Variants in FSTL4 observed in about 807,000 individuals in gnomAD.
FSTL4 encodes follistatin like 4, also known as follistatin-related protein 4.
Under a neutral mutation model 78.2 loss-of-function variants are expected in FSTL4, and 28 were observed. The observed-to-expected ratio is 0.36, with a 90% CI of 0.27 to 0.49. FSTL4 has a LOEUF of 0.49. FSTL4 is among the 20% of genes least tolerant of loss of function. The pLI is 0.98. For synonymous variants in FSTL4, 422 were observed against 440.5 expected (o/e 0.96, Z 0.53); for missense variants, 922 against 1,084.9 (o/e 0.85, Z 2.11).
At chr5:133,736,627 G>A in the FSTL4 span, among the ~76,000 whole-genome samples, 2 of 152,142 alleles carry the variant, frequency 1.3e-5, no homozygotes, top group South Asian at 2.1e-4. Context: ...GAGACACCAC[G>A]GGTCTGTGAA....
intron 8 of FSTL4, among the ~76,000 whole-genome samples, chr5:133,227,021 A>G (rs1485571555): frequency 2.6e-5 from 4 of 152,138 alleles, no homozygotes; most frequent in Non-Finnish European, 5.9e-5. Context: ...AATTCCATCA[A>G]CTCAGTCTGA....
intron 3 of FSTL4, among the ~76,000 whole-genome samples, chr5:133,433,145 G>A (rs918880778): frequency 6.6e-6 from 1 of 152,222 alleles, no homozygotes; most frequent in East Asian, 1.9e-4. Context: ...TGAACTAAAA[G>A]CCAGAGCTGA....
At chr5:133,336,945 T>C (rs1024293949) in intron 4 of FSTL4, among the ~76,000 whole-genome samples, 2 of 152,154 alleles carry the variant, frequency 1.3e-5, no homozygotes, top group African/African-American at 4.8e-5. Context: ...TCCATGGGGA[T>C]GGAGGGCTCG....
chr5:133,577,884 G>A (rs1029588321), intron 2 of FSTL4, among the ~76,000 whole-genome samples: 13 of 152,302 alleles, frequency 8.5e-5, no homozygotes, highest in East Asian at 3.9e-4. Context: ...GGGTGATAGC[G>A]TAAGACTCTG....
At chr5:133,413,794 C>A (rs1756525556) in intron 3 of FSTL4, among the ~76,000 whole-genome samples, 1 of 152,070 alleles carries the variant, frequency 6.6e-6, no homozygotes, top group South Asian at 2.1e-4. Context: ...TAAATTAACT[C>A]TTCAGCTATT....
chr5:133,263,860 C>T (rs58073133), intron 6 of FSTL4, among the ~76,000 whole-genome samples: 312 of 152,134 alleles, frequency 2.1e-3, no homozygotes, highest in African/African-American at 7.2e-3. Flanking sequence ...GGCAGGGGCA[C>T]GGAGCCTGAG....
intron 6 of FSTL4, among the ~76,000 whole-genome samples, chr5:133,286,493 C>T (rs1753132189): frequency 6.6e-6 from 1 of 152,110 alleles, no homozygotes; most frequent in African/African-American, 2.4e-5. Flanking sequence ...ACAAGTTAAT[C>T]GCCTCTTCAA....
chr5:133,209,307 G>T (rs7722335), intron 14 of FSTL4, among the ~76,000 whole-genome samples: 6 of 151,934 alleles, frequency 3.9e-5, no homozygotes, highest in African/African-American at 1.5e-4. Flanking sequence ...TCCAGACCCT[G>T]GTCTTTCTGC....
chr5:133,296,325 A>C (rs370820038), intron 6 of FSTL4, among the ~76,000 whole-genome samples: 1 of 152,314 alleles, frequency 6.6e-6, no homozygotes, highest in South Asian at 2.1e-4. Flanking sequence ...ACTTGTCTAC[A>C]TGCTCCTACT....
chr5:133,225,967 C>T lies in FSTL4; in HGVS notation c.1016-148G>A. 1.9e-6 allele frequency: 1 copy of T among 517,212 alleles called. No individual in the cohort carries two copies. The highest frequency in any genetic ancestry group is 3.4e-6 in the Non-Finnish European group (1 of 298,214). The allele number at this position is 517,212 out of a possible 1,614,324, so 32.0% of individuals were successfully genotyped here. On this transcript the variant is annotated intron_variant, in intron 8 of 15. Coordinates refer to ENST00000265342, the MANE Select transcript of FSTL4 (RefSeq NM_015082.2). The surrounding 1 kb of genome is among the most constrained non-coding windows in gnomAD (Gnocchi z 4.6). ...TTAACCAAATTATAATAATCCTGTC[C>T]AGCAACGCAAGCTCTAAAAGAAAGG...
At chr5:133,228,186 C>T (rs183682300) in intron 8 of FSTL4, among the ~76,000 whole-genome samples, 2 of 152,078 alleles carry the variant, frequency 1.3e-5, no homozygotes, top group African/African-American at 2.4e-5. Flanking sequence ...ATGATTGTGC[C>T]GCTGCACTCC....
At chr5:133,691,916 T>TA in the FSTL4 span, among the ~76,000 whole-genome samples, 7 of 152,176 alleles carry the variant, frequency 4.6e-5, no homozygotes, top group Non-Finnish European at 8.8e-5. Context: ...ACTGAACACC[T>TA]ACCATGTGCA....
intron 3 of FSTL4, among the ~76,000 whole-genome samples, chr5:133,566,894 C>G (rs1313498453): frequency 6.6e-6 from 1 of 152,188 alleles, no homozygotes; most frequent in African/African-American, 2.4e-5. Context: ...CCAAACTTCA[C>G]TCAAGAATGA....
At chr5:133,316,745 A>G (rs1753915055) in intron 4 of FSTL4, 93 bp from the exon 5 acceptor site, 4 of 1,052,596 alleles carry the variant, frequency 3.8e-6, no homozygotes, top group Non-Finnish European at 5.6e-6. Context: ...ACTCACAAAT[A>G]GCCACCAGGC....
intron 3 of FSTL4, among the ~76,000 whole-genome samples, chr5:133,516,706 G>T (rs1449360513): frequency 2.0e-5 from 3 of 152,174 alleles, no homozygotes; most frequent in Non-Finnish European, 4.4e-5. Context: ...GGCAGTCTGA[G>T]GTGTTGACTT....
chr5:133,711,320 C>T, the FSTL4 span, among the ~76,000 whole-genome samples: 1 of 152,138 alleles, frequency 6.6e-6, no homozygotes, highest in Admixed American at 6.5e-5. Flanking sequence ...AAACCCAGCC[C>T]CCATCTAAAA....
At chr5:133,724,785 T>A in the FSTL4 span, among the ~76,000 whole-genome samples, 3,659 of 152,324 alleles carry the variant, frequency 0.024, 163 homozygotes, top group African/African-American at 0.082. Context: ...CCTAAGAATC[T>A]CTGCCTATCC....
the FSTL4 span, among the ~76,000 whole-genome samples, chr5:133,694,154 G>C: frequency 6.6e-6 from 1 of 152,208 alleles, no homozygotes; most frequent in Non-Finnish European, 1.5e-5. Context: ...GCAAAGCCAT[G>C]AAAAGCATCA....
chr5:133,686,699 T>TA, the FSTL4 span, among the ~76,000 whole-genome samples: 67 of 152,288 alleles, frequency 4.4e-4, no homozygotes, highest in Non-Finnish European at 2.4e-4. Flanking sequence ...GGTCAGGGGA[T>TA]AAGGGAAATG....
Sources: allele counts gnomAD v4.1 joint callset (sites outside exome capture counted in the v4.1 genomes callset), GRCh38; gene constraint gnomAD v4.1.1; non-coding constraint Gnocchi (gnomAD v3.1); transcripts MANE v1.5; gene names NCBI Gene and HGNC (gene_info 2026-07-23, HGNC 2026-07-21).